The following HERC1 variants were observed in gnomAD, a reference collection of about 807,000 sequenced individuals.
The protein encoded by HERC1 is HECT and RLD domain containing E3 ubiquitin protein ligase family member 1.
In HERC1, 160 loss-of-function variants were observed where a neutral mutation model predicts 554.3. The observed-to-expected ratio is 0.29, with a 90% CI of 0.25 to 0.33. The LOEUF (loss-of-function observed/expected upper bound fraction) is 0.33. Among genes scored for constraint, HERC1 ranks in the 10% least tolerant of loss-of-function variants. HERC1 has a pLI of 1.00. For missense variants in HERC1, 4,919 were observed against 5,918.5 expected (o/e 0.83, Z 5.54); for synonymous variants, 2,175 against 2,131.7 (o/e 1.02, Z -0.56).
At chr15:63,712,721 T>C (rs1324702269) in intron 24 of HERC1, 54 bp downstream of exon 24, 2 of 1,549,486 alleles carry the variant, frequency 1.3e-6, no homozygotes, top group Non-Finnish European at 1.8e-6. Flanking sequence ...AAGCCTTACA[T>C]ATCATATACC....
At chr15:63,828,606 T>G (rs568146882) in intron 1 of HERC1, among the ~76,000 whole-genome samples, 2 of 152,340 alleles carry the variant, frequency 1.3e-5, no homozygotes, top group South Asian at 4.1e-4. Context: ...CCCAAAGTGC[T>G]GGGATTACAG....
At position 63,678,916 on chromosome 15, in the gene HERC1, C is replaced by T. The variant is rs1298113041; in HGVS notation, c.6550-551G>A. ...TTAGCTTTTCATTTAAAACCTGACA[C>T]TAATAATAGCATCTGTCTCCTACAG... On this transcript the variant is annotated intron_variant, in intron 36 of 77. Transcript: ENST00000443617. Among the ~76,000 whole-genome samples, 3 of 152,290 alleles carry T rather than the reference C, an allele frequency of 2.0e-5. No homozygotes were observed. The South Asian group carries it at 6.2e-4, about 32-fold the overall frequency.
chr15:63,737,444 CTTTTTTCCAGATATAT>C (rs1567069583), intron 12 of HERC1, among the ~76,000 whole-genome samples: 11 of 80,862 alleles, frequency 1.4e-4, no homozygotes, highest in African/African-American at 4.0e-4. Context: ...ATATATATAT[CTTTTTTCCAGATATAT>C]ATATATATAT....
chr15:63,736,942 G>T (rs983870487), intron 12 of HERC1, among the ~76,000 whole-genome samples: 1 of 151,910 alleles, frequency 6.6e-6, no homozygotes, highest in African/African-American at 2.4e-5. Flanking sequence ...TGGCTTCGAA[G>T]CCAAAGGTTA....
intron 1 of HERC1, among the ~76,000 whole-genome samples, chr15:63,794,429 CT>C: frequency 6.6e-6 from 1 of 152,166 alleles, no homozygotes. Flanking sequence ...TCAACTCAAT[CT>C]TTGGCCCTTC....
At chr15:63,753,469 T>A (rs1462279663) in intron 7 of HERC1, among the ~76,000 whole-genome samples, 4 of 152,210 alleles carry the variant, frequency 2.6e-5, no homozygotes, top group Non-Finnish European at 5.9e-5. Flanking sequence ...TGTATATGCA[T>A]ATAATTTTTC....
chr15:63,778,930 CAAAA>C (rs2076194955), intron 1 of HERC1, among the ~76,000 whole-genome samples: 1 of 146,530 alleles, frequency 6.8e-6, no homozygotes, highest in East Asian at 2.0e-4. Context: ...CAGAAATAGA[CAAAA>C]AGAAAGAAAA....
At chr15:63,664,742 G>A in intron 42 of HERC1, 148 bp from the exon 43 acceptor site, 1 of 636,588 alleles carries the variant, frequency 1.6e-6, no homozygotes, top group Non-Finnish European at 2.6e-6. Context: ...TTTATCCCTT[G>A]AACAGTTCAA....
In HERC1 at chr15:63,747,821, G is replaced by C. The variant is rs1415719492; in HGVS notation, c.2257C>G (p.Leu753Val). 2 of 1,549,060 alleles carry C rather than the reference G, an allele frequency of 1.3e-6. No homozygotes were observed. The highest frequency in any genetic ancestry group is 1.4e-5 in the African/African-American group (1 of 73,098). The stretch of plus-strand genomic sequence containing the variant: ...AGGTGTGAGAAGGTACTCTCTTCAA[G>C]ATCTACACAATAAGGTCGGTGCCAT... The part of the protein sequence containing the change: ...VAWHRPYCVD[L>V]EESTFSHLRS... The change falls in exon 11 of 78, where the codon CTT (leucine) becomes GTT (valine). Residue 753 changes from leucine to valine, a missense_variant. Around this residue, in one of 11 missense-constraint regions of HERC1, gnomAD observed 744 missense variants for 1,090.0 expected, o/e 0.68. Transcript: ENST00000443617.
intron 17 of HERC1, among the ~76,000 whole-genome samples, chr15:63,725,846 G>A (rs761365611): frequency 2.0e-5 from 3 of 152,058 alleles, no homozygotes; most frequent in Non-Finnish European, 2.9e-5. Flanking sequence ...GGAGTATTCT[G>A]AGTTTATTCC....
intron 74 of HERC1, among the ~76,000 whole-genome samples, chr15:63,617,633 A>G (rs2067881173): frequency 6.6e-6 from 1 of 152,154 alleles, no homozygotes; most frequent in Admixed American, 6.5e-5. Context: ...CAACAGTGTA[A>G]AAGTGTTCCT....
At chr15:63,706,968 T>C (rs2073038771) in intron 24 of HERC1, 137 bp from the exon 25 acceptor site, 2 of 569,204 alleles carry the variant, frequency 3.5e-6, no homozygotes, top group Admixed American at 3.1e-5. Flanking sequence ...GTCAAACTAA[T>C]AACAAAATGT....
chr15:63,727,556 A>C lies in HERC1; in HGVS notation c.3346+91T>G. ...GAAATTCCTTTGATAGCCTTAGGAT[A>C]GATAGACTCCAATGGAAAAACACAG... is the stretch of plus-strand genomic sequence containing the variant. On this transcript the variant is annotated intron_variant, in intron 17 of 77. Transcript: ENST00000443617. The surrounding 1 kb of genome is among the most constrained non-coding windows in gnomAD (Gnocchi z 4.3). The C allele has an allele frequency of 1.2e-6, 1 of 851,754 alleles. No homozygotes were observed. The highest frequency in any genetic ancestry group is 1.8e-6 in the Non-Finnish European group (1 of 550,966). The allele number at this position is 851,754 out of a possible 1,614,324, so 52.8% of individuals were successfully genotyped here.
At chr15:63,802,648 A>G (rs2077029497) in intron 1 of HERC1, among the ~76,000 whole-genome samples, 1 of 152,232 alleles carries the variant, frequency 6.6e-6, no homozygotes, top group Non-Finnish European at 1.5e-5. Context: ...TGACATACAT[A>G]CATAAATTAC....
rs947706353 is a variant in HERC1, at chr15:63,680,341, ATC to A, written c.6466-183_6466-182del. Among the ~76,000 whole-genome samples, 1 of 152,204 alleles carries A rather than the reference ATC, an allele frequency of 6.6e-6. No homozygotes were observed. Among genetic ancestry groups the A allele is most frequent in the African/African-American group, 2.4e-5 (1 of 41,440 alleles). ...TATAATAAGTGATCATAATGTGTTCATCTGTTTCAAAAATCTTATTGGGGTTT... is the reference window on the plus strand; with the variant it reads ...TATAATAAGTGATCATAATGTGTTCATGTTTCAAAAATCTTATTGGGGTTT... On this transcript the variant is annotated intron_variant, in intron 35 of 77. Coordinates refer to ENST00000443617, the MANE Select transcript of HERC1 (RefSeq NM_003922.4). This position sits in a 1 kb window ranked among gnomAD's most constrained non-coding sequence, Gnocchi z 5.8.
At chr15:63,632,626 A>C in intron 68 of HERC1, 83 bp downstream of exon 68, 1 of 901,876 alleles carries the variant, frequency 1.1e-6, no homozygotes, top group South Asian at 1.4e-5. Context: ...AAAAGGACTC[A>C]ATTTAGAGCA....
Position 63,661,000 on chromosome 15 carries a change from T to C in HERC1, c.9196A>G (p.Ile3066Val), listed in dbSNP as rs2070329923. The change falls in exon 46 of 78, where the codon ATT becomes GTT. Residue 3066 changes from isoleucine to valine, a missense_variant. By Grantham distance (29) the Ile-to-Val change is conservative. Around this residue, in one of 11 missense-constraint regions of HERC1, gnomAD observed 1,963 missense variants for 2,228.6 expected, o/e 0.88. Transcript: ENST00000443617. Reference protein sequence around the residue: ...ERYKGQAPDLIGKQDSVYEED... With the variant: ...ERYKGQAPDLVGKQDSVYEED... ...TCATACACACTGTCTTGCTTGCCAA[T>C]TAGATCTGGAGCTTGTCCCTTGTAC... 1 of 1,612,342 alleles carries C rather than the reference T, an allele frequency of 6.2e-7. No homozygotes were observed. Among genetic ancestry groups the C allele is most frequent in the Non-Finnish European group, 8.5e-7 (1 of 1,178,570 alleles).
At chr15:63,719,295 T>C (rs76441772) in intron 19 of HERC1, among the ~76,000 whole-genome samples, 203 of 152,304 alleles carry the variant, frequency 1.3e-3, no homozygotes, top group African/African-American at 4.6e-3. Context: ...GAGATCTAAA[T>C]GAAGTGGGGG....
chr15:63,616,008 A>T, intron 75 of HERC1, 88 bp from the exon 76 acceptor site: 1 of 1,109,142 alleles, frequency 9.0e-7, no homozygotes, highest in Non-Finnish European at 1.3e-6. Flanking sequence ...CAGCAATAAC[A>T]AACTCACAAT....
Sources: allele counts gnomAD v4.1 joint callset (sites outside exome capture counted in the v4.1 genomes callset), GRCh38; gene constraint gnomAD v4.1.1; regional missense constraint gnomAD v4.1.1; non-coding constraint Gnocchi (gnomAD v3.1); transcripts MANE v1.5; gene names NCBI Gene and HGNC (gene_info 2026-07-23, HGNC 2026-07-21).